The following IGF1R variants were observed in gnomAD, a reference collection of about 807,000 sequenced individuals.
The protein encoded by IGF1R is insulin-like growth factor 1 receptor.
A neutral mutation model predicts 144.6 loss-of-function variants in IGF1R; 44 were observed. That is an observed-to-expected ratio of 0.30 (90% CI 0.24 to 0.39). IGF1R has a LOEUF of 0.39. IGF1R is among the 10% of genes least tolerant of loss of function. The pLI, the probability that IGF1R is intolerant of heterozygous loss-of-function variation, is 1.00. For synonymous variants in IGF1R, 795 were observed against 722.8 expected, an observed-to-expected ratio of 1.10 and a Z score of -1.60; for missense variants, 1,355 against 1,833.7, an observed-to-expected ratio of 0.74 and a Z score of 4.77.
chr15:98,782,993 A>G (rs181051188), intron 2 of IGF1R, among the ~76,000 whole-genome samples: 1 of 152,324 alleles, frequency 6.6e-6, no homozygotes, highest in Admixed American at 6.5e-5. Context: ...CACAGGCTGA[A>G]TATGTTCTAC....
chr15:98,860,182 AC>A (rs1355315793), intron 2 of IGF1R, among the ~76,000 whole-genome samples: 1 of 152,250 alleles, frequency 6.6e-6, no homozygotes, highest in African/African-American at 2.4e-5. Flanking sequence ...ATGATCAAAG[AC>A]TTTTGAAATG....
At chr15:98,757,771 C>T (rs1024889663) in intron 2 of IGF1R, among the ~76,000 whole-genome samples, 2 of 152,070 alleles carry the variant, frequency 1.3e-5, no homozygotes, top group Non-Finnish European at 2.9e-5. Context: ...CTAATAGGGA[C>T]GTTCTGCCTT....
At chr15:98,768,925 C>G (rs1273748566) in intron 2 of IGF1R, among the ~76,000 whole-genome samples, 1 of 22,748 alleles carries the variant, frequency 4.4e-5, no homozygotes, top group Non-Finnish European at 2.2e-4. Context: ...GAGATTCCGT[C>G]TCAAAAACAA....
intron 2 of IGF1R, among the ~76,000 whole-genome samples, chr15:98,754,736 G>C (rs1192456513): frequency 6.6e-6 from 1 of 152,202 alleles, no homozygotes; most frequent in Non-Finnish European, 1.5e-5. Context: ...CTGATTTGCA[G>C]GTTAGGTGTA....
chr15:98,661,558 G>A (rs1040491877), intron 1 of IGF1R, among the ~76,000 whole-genome samples: 2 of 152,218 alleles, frequency 1.3e-5, no homozygotes, highest in African/African-American at 4.8e-5. Flanking sequence ...GAACCGGCTG[G>A]ATGTGAACTT....
intron 13 of IGF1R, among the ~76,000 whole-genome samples, chr15:98,927,931 G>T (rs2151699295): frequency 6.6e-6 from 1 of 152,176 alleles, no homozygotes; most frequent in South Asian, 2.1e-4. Flanking sequence ...CAGATTCCTT[G>T]TGCCAAAACC....
chr15:98,962,072 CT>C lies in IGF1R; in HGVS notation c.*4631del, dbSNP rs1398388373. 4.3e-6 allele frequency: 1 copy of C among 233,258 alleles called. No homozygotes were observed. The highest frequency in any genetic ancestry group is 2.2e-5 in the African/African-American group (1 of 45,362). The allele number at this position is 233,258 out of a possible 1,614,324, so 14.4% of individuals were successfully genotyped here. On this transcript the variant is annotated 3_prime_UTR_variant, in exon 21 of 21. Coordinates refer to ENST00000650285, the MANE Select transcript of IGF1R (RefSeq NM_000875.5). ...AAGCTTTTCCCACAGCAGTCCACCT[CT>C]GCAGGCTGGCAGCCGAATGGCTTGC...
chr15:98,923,795 G>A (rs45487197), intron 11 of IGF1R, 81 bp from the exon 12 acceptor site: 16 of 1,103,978 alleles, frequency 1.4e-5, no homozygotes, highest in South Asian at 3.7e-5. Flanking sequence ...TGGATGGGGG[G>A]GTTATTCTCA....
chr15:98,688,173 C>T (rs367844134), intron 1 of IGF1R, among the ~76,000 whole-genome samples: 4 of 152,118 alleles, frequency 2.6e-5, no homozygotes, highest in South Asian at 2.1e-4. Flanking sequence ...TCTTGTTTCA[C>T]GGGTAGGGGG....
intron 1 of IGF1R, among the ~76,000 whole-genome samples, chr15:98,686,657 A>C (rs1470804712): frequency 6.6e-6 from 1 of 151,210 alleles, no homozygotes; most frequent in Non-Finnish European, 1.5e-5. Context: ...AGCAAATATC[A>C]ATGAAGTATT....
intron 2 of IGF1R, among the ~76,000 whole-genome samples, chr15:98,853,690 T>C (rs1276150961): frequency 6.6e-6 from 1 of 152,180 alleles, no homozygotes; most frequent in African/African-American, 2.4e-5. Flanking sequence ...CTTTTTGGTT[T>C]GTAGGAATTT....
At chr15:98,690,757 C>A (rs1447917652) in intron 1 of IGF1R, among the ~76,000 whole-genome samples, 2 of 152,152 alleles carry the variant, frequency 1.3e-5, no homozygotes, top group African/African-American at 4.8e-5. Context: ...AACTACTGGC[C>A]CATCAGCATG....
intron 2 of IGF1R, among the ~76,000 whole-genome samples, chr15:98,857,765 A>G (rs767742646): frequency 5.9e-5 from 9 of 152,234 alleles, no homozygotes; most frequent in Non-Finnish European, 1.3e-4. Flanking sequence ...GCTAATGGCT[A>G]CTGGACATCA....
At chr15:98,697,894 T>TG (rs1178281164) in intron 1 of IGF1R, among the ~76,000 whole-genome samples, 1 of 151,430 alleles carries the variant, frequency 6.6e-6, no homozygotes, top group African/African-American at 2.4e-5. Flanking sequence ...CCCGCCACCA[T>TG]GCCTGGCTAA....
chr15:98,690,557 T>C (rs1469760572), intron 1 of IGF1R, among the ~76,000 whole-genome samples: 1 of 152,244 alleles, frequency 6.6e-6, no homozygotes, highest in African/African-American at 2.4e-5. Flanking sequence ...TTATATAAAT[T>C]TTGGCTCTCT....
In IGF1R at chr15:98,891,222, G is replaced by T. The variant is rs549271374; in HGVS notation, c.641-103G>T. 21 of 1,017,644 alleles carry T rather than the reference G, an allele frequency of 2.1e-5. No individual in the cohort carries two copies. Among genetic ancestry groups the T allele is most frequent in the Non-Finnish European group, 2.8e-5 (19 of 670,596 alleles). 63.0% of individuals were successfully genotyped at this position (1,017,644 alleles called of 1,614,324 possible). A position where few individuals can be genotyped will look rare whatever the true frequency, so the allele number is the denominator to read the frequency against. On this transcript the variant is annotated intron_variant, in intron 2 of 20. Transcript: ENST00000650285. The surrounding 1 kb of genome is among the most constrained non-coding windows in gnomAD (Gnocchi z 4.7). ...TTGTCTCCTCAATGAGTGATCTGGT[G>T]CTGGTGGTAGCAGTGAATGACCCAG...
chr15:98,783,913 C>T (rs1249599659), intron 2 of IGF1R, among the ~76,000 whole-genome samples: 1 of 143,636 alleles, frequency 7.0e-6, no homozygotes, highest in Admixed American at 6.9e-5. Flanking sequence ...GCTATATGCA[C>T]ATAGAGTTTT....
At chr15:98,829,056 T>C (rs1277925033) in intron 2 of IGF1R, among the ~76,000 whole-genome samples, 2 of 152,154 alleles carry the variant, frequency 1.3e-5, no homozygotes, top group Non-Finnish European at 1.5e-5. Context: ...AGGATACTGC[T>C]CTATGTTATT....
chr15:98,705,711 T>C (rs78006163), intron 1 of IGF1R, among the ~76,000 whole-genome samples: 7,706 of 152,216 alleles, frequency 0.051, 277 homozygotes, highest in African/African-American at 0.099. Context: ...CAGTGGGACT[T>C]TTCTTCTCTC....
Sources: allele counts gnomAD v4.1 joint callset (sites outside exome capture counted in the v4.1 genomes callset), GRCh38; gene constraint gnomAD v4.1.1; non-coding constraint Gnocchi (gnomAD v3.1); transcripts MANE v1.5; gene names NCBI Gene and HGNC (gene_info 2026-07-23, HGNC 2026-07-21).